The following UNC5C variants were observed in gnomAD, a reference collection of about 807,000 sequenced individuals.
The protein encoded by UNC5C is unc-5 netrin receptor C.
A neutral mutation model predicts 99.8 loss-of-function variants in UNC5C; 47 were observed. The ratio of observed to expected loss-of-function variants is 0.47; its 90% CI spans 0.37 to 0.60. The LOEUF is 0.60. UNC5C is among the 20% of genes least tolerant of loss of function. The pLI is 0.00. For synonymous variants in UNC5C, 487 were observed against 452.2 expected (o/e 1.08, Z -0.98); for missense variants, 1,062 against 1,165.9 (o/e 0.91, Z 1.30).
At chr4:95,331,283 A>G (rs983414103) in intron 2 of UNC5C, among the ~76,000 whole-genome samples, 1 of 152,078 alleles carries the variant, frequency 6.6e-6, no homozygotes. Context: ...AAAACATATG[A>G]GTGCAGGTAT....
intron 1 of UNC5C, among the ~76,000 whole-genome samples, chr4:95,439,393 T>TTG (rs200548243): frequency 0.02 from 3,095 of 151,890 alleles, 54 homozygotes; most frequent in East Asian, 0.05. Flanking sequence ...GTTTTTTTTT[T>TTG]TTTGTTTCCT....
Position 95,507,359 on chromosome 4 carries a change from T to C in UNC5C, c.124+41375A>G, listed in dbSNP as rs1721951641. On this transcript the variant is annotated intron_variant, in intron 1 of 15. Coordinates refer to ENST00000453304, the MANE Select transcript of UNC5C (RefSeq NM_003728.4). ...TCTGGAATGACTCACTGAATTCTTT[T>C]TAACAACATCTAAACAGTCCAAACC... Among the ~76,000 whole-genome samples, 4 of 152,070 alleles carry C rather than the reference T, an allele frequency of 2.6e-5. No homozygotes were observed. In the South Asian group the frequency reaches 8.3e-4, roughly 32 times the overall value.
rs73842327 is a variant in UNC5C at position 95,544,337 on chromosome 4, A to G, written c.124+4397T>C. Among the ~76,000 whole-genome samples, 759 of 152,266 alleles carry G rather than the reference A, an allele frequency of 5.0e-3. 9 individuals are homozygous for G. Among genetic ancestry groups the G allele is most frequent in the African/African-American group, 0.018 (730 of 41,528 alleles). On this transcript the variant is annotated intron_variant, in intron 1 of 15. Transcript: ENST00000453304. Reference sequence around the variant, plus strand: ...ATGAAACTTGCATTAAATCTAAGTAAAATGCTGTTGCAACGCAAACTTAGC... The same window carrying G: ...ATGAAACTTGCATTAAATCTAAGTAGAATGCTGTTGCAACGCAAACTTAGC...
At chr4:95,261,591 G>A (rs957536480) in intron 4 of UNC5C, among the ~76,000 whole-genome samples, 1 of 152,106 alleles carries the variant, frequency 6.6e-6, no homozygotes, top group African/African-American at 2.4e-5. Context: ...AGGGTGCTAG[G>A]ATTTCAAGAT....
At chr4:95,201,226 G>A (rs1235169930) in intron 12 of UNC5C, among the ~76,000 whole-genome samples, 1 of 152,102 alleles carries the variant, frequency 6.6e-6, no homozygotes, top group African/African-American at 2.4e-5. Flanking sequence ...TACACCCCAA[G>A]GCATCCTGAC....
At chr4:95,355,449 C>T (rs904396943) in intron 1 of UNC5C, among the ~76,000 whole-genome samples, 8 of 152,140 alleles carry the variant, frequency 5.3e-5, no homozygotes, top group African/African-American at 1.4e-4. Context: ...AACTCCTAGT[C>T]TTCTAAGTTC....
chr4:95,375,446 T>C (rs1290560772), intron 1 of UNC5C, among the ~76,000 whole-genome samples: 2 of 152,290 alleles, frequency 1.3e-5, no homozygotes, highest in East Asian at 3.9e-4. Flanking sequence ...GTATTCCTTT[T>C]ACAATGAAGA....
rs554584033 is a variant in UNC5C, at chr4:95,312,931, T to C, written c.347-11182A>G. Among the ~76,000 whole-genome samples the C allele has an allele frequency of 2.6e-5, 4 of 152,318 alleles. No individual in the cohort carries two copies. In the South Asian group the frequency reaches 6.2e-4, roughly 24 times the overall value. On this transcript the variant is annotated intron_variant, in intron 2 of 15. Transcript: ENST00000453304. ...TCATGGCTCTCAGTATGGTTTTGTT[T>C]AGCATTCTCTACATTGATCTACTGA...
At position 95,233,939 on chromosome 4, in the gene UNC5C, T is replaced by TA. The variant is rs574786184; in HGVS notation, c.1108+8489dup. ...CAACAGAATGAGACTCCATCACATT[T>TA]AAAAAAAAAAGGAAAGAAAAGATTA... On this transcript the variant is annotated intron_variant, in intron 7 of 15. Transcript: ENST00000453304. Among the ~76,000 whole-genome samples the TA allele has an allele frequency of 6.3e-3, 939 of 148,162 alleles. 14 individuals are homozygous for TA. The highest frequency in any genetic ancestry group is 0.02 in the African/African-American group (820 of 40,550).
At chr4:95,353,670 A>G (rs1343465543) in intron 1 of UNC5C, among the ~76,000 whole-genome samples, 1 of 152,000 alleles carries the variant, frequency 6.6e-6, no homozygotes, top group Non-Finnish European at 1.5e-5. Context: ...AAAAGAAAAT[A>G]GAAATATATT....
At chr4:95,211,449 G>T (rs1738072401) in intron 10 of UNC5C, among the ~76,000 whole-genome samples, 1 of 152,196 alleles carries the variant, frequency 6.6e-6, no homozygotes, top group African/African-American at 2.4e-5. Flanking sequence ...TACCTCCATT[G>T]AGGGACACTG....
chr4:95,365,279 G>C lies in UNC5C; in HGVS notation c.125-29648C>G, dbSNP rs898215950. ...CCACTGCACTCCAGCCTGGGCAACA[G>C]AACAAGAATCTGTCTCAAAAAAAAA... On this transcript the variant is annotated intron_variant, in intron 1 of 15. Transcript: ENST00000453304. 2.0e-4 allele frequency among the ~76,000 whole-genome samples: 15 copies of C among 73,316 alleles called. 1 individual carries two copies. Among genetic ancestry groups the C allele is most frequent in the Admixed American group, 1.3e-3 (8 of 6,210 alleles). 48.1% of individuals were successfully genotyped at this position (73,316 alleles called of 152,430 possible).
chr4:95,232,914 C>T (rs764854020), intron 7 of UNC5C, among the ~76,000 whole-genome samples: 1 of 152,214 alleles, frequency 6.6e-6, no homozygotes, highest in Non-Finnish European at 1.5e-5. Flanking sequence ...TAAAAGCTCT[C>T]ACTGTCTACC....
chr4:95,374,959 T>G, intron 1 of UNC5C, among the ~76,000 whole-genome samples: 1 of 152,236 alleles, frequency 6.6e-6, no homozygotes, highest in East Asian at 1.9e-4. Context: ...GCTGAATATT[T>G]AAATCAGCAC....
chr4:95,358,406 C>T (rs1371531822), intron 1 of UNC5C, among the ~76,000 whole-genome samples: 1 of 152,122 alleles, frequency 6.6e-6, no homozygotes, highest in Non-Finnish European at 1.5e-5. Flanking sequence ...AAATGACATT[C>T]TTCCAAAATT....
At chr4:95,364,878 G>A (rs1744506128) in intron 1 of UNC5C, among the ~76,000 whole-genome samples, 1 of 152,038 alleles carries the variant, frequency 6.6e-6, no homozygotes, top group Non-Finnish European at 1.5e-5. Context: ...ATTCATTGCA[G>A]TTTATGTATT....
chr4:95,306,263 C>T (rs547543545), intron 2 of UNC5C, among the ~76,000 whole-genome samples: 21 of 152,168 alleles, frequency 1.4e-4, no homozygotes, highest in South Asian at 8.3e-4. Context: ...AATGCAGTGG[C>T]GCGATCTTGG....
At chr4:95,541,470 A>G (rs1048161507) in intron 1 of UNC5C, among the ~76,000 whole-genome samples, 2 of 152,180 alleles carry the variant, frequency 1.3e-5, no homozygotes, top group African/African-American at 4.8e-5. Flanking sequence ...ACTGCTGCAC[A>G]TGAATTTCTT....
At chr4:95,299,986 T>G (rs1418052449) in intron 3 of UNC5C, among the ~76,000 whole-genome samples, 1 of 152,168 alleles carries the variant, frequency 6.6e-6, no homozygotes, top group Admixed American at 6.5e-5. Context: ...GGTCCACATC[T>G]AAATGAAGAA....
Sources: gnomAD v4.1 joint callset for allele counts (sites outside exome capture counted in the v4.1 genomes callset) on GRCh38, gnomAD v4.1.1 for gene constraint, MANE v1.5 for transcripts, NCBI Gene and HGNC (gene_info 2026-07-23, HGNC 2026-07-21) for gene names.